Variants in CNTNAP2 observed in about 807,000 individuals in gnomAD.
CNTNAP2 encodes contactin-associated protein-like 2.
In CNTNAP2, 98 loss-of-function variants were observed where a neutral mutation model predicts 155.2. The ratio of observed to expected loss-of-function variants is 0.63; its 90% CI spans 0.54 to 0.75. The LOEUF (loss-of-function observed/expected upper bound fraction) is 0.75, where lower values mean the gene tolerates loss of function less well. Ranked by LOEUF, CNTNAP2 falls within the 30% of genes least tolerant of loss-of-function variation. CNTNAP2 has a pLI of 0.00. For missense variants in CNTNAP2, 1,727 were observed against 1,688.1 expected (o/e 1.02, Z -0.40); for synonymous variants, 651 against 631.2 (o/e 1.03, Z -0.47).
At chr7:147,303,453 A>G (rs62485031) in intron 9 of CNTNAP2, among the ~76,000 whole-genome samples, 5,256 of 152,322 alleles carry the variant, frequency 0.035, 125 homozygotes, top group Non-Finnish European at 0.052. Flanking sequence ...CAGAAGAGGA[A>G]CTGCCTCTGG....
At chr7:147,466,345 A>G (rs372642481) in intron 10 of CNTNAP2, among the ~76,000 whole-genome samples, 1 of 152,316 alleles carries the variant, frequency 6.6e-6, no homozygotes, top group East Asian at 1.9e-4. Context: ...TATCAATTGT[A>G]TATTGATAAT....
intron 1 of CNTNAP2, among the ~76,000 whole-genome samples, chr7:146,460,126 A>G (rs73462743): frequency 0.027 from 4,179 of 152,278 alleles, 140 homozygotes; most frequent in African/African-American, 0.074. Context: ...ATCTCAGGAG[A>G]ATGTTGACAA....
intron 1 of CNTNAP2, among the ~76,000 whole-genome samples, chr7:146,759,910 C>A (rs1246818400): frequency 2.0e-5 from 3 of 151,996 alleles, no homozygotes; most frequent in African/African-American, 7.2e-5. Context: ...AGAGAAAGGA[C>A]GTTTAGTAAT....
intron 5 of CNTNAP2, among the ~76,000 whole-genome samples, chr7:147,110,840 A>G (rs1051900271): frequency 2.0e-5 from 3 of 152,118 alleles, no homozygotes; most frequent in Non-Finnish European, 4.4e-5. Flanking sequence ...GAACATATGT[A>G]TGCATGTATC....
intron 13 of CNTNAP2, among the ~76,000 whole-genome samples, chr7:147,728,580 T>G (rs1288023941): frequency 6.6e-6 from 1 of 152,012 alleles, no homozygotes; most frequent in Non-Finnish European, 1.5e-5. Flanking sequence ...ATACATCTTT[T>G]TTCATGTTTC....
chr7:147,625,365 C>T (rs1275508252), intron 12 of CNTNAP2, among the ~76,000 whole-genome samples: 2 of 151,744 alleles, frequency 1.3e-5, no homozygotes, highest in Admixed American at 1.3e-4. Flanking sequence ...CTCATGTACC[C>T]CATAAATATA....
intron 8 of CNTNAP2, among the ~76,000 whole-genome samples, chr7:147,220,473 C>A (rs1277028396): frequency 6.6e-6 from 1 of 152,082 alleles, no homozygotes; most frequent in Non-Finnish European, 1.5e-5. Context: ...AATTGATGTT[C>A]AAAACTGATT....
chr7:146,253,353 A>G (rs866459770), intron 1 of CNTNAP2, among the ~76,000 whole-genome samples: 24 of 152,314 alleles, frequency 1.6e-4, no homozygotes, highest in Non-Finnish European at 2.4e-4. Flanking sequence ...CACCTGCTCT[A>G]GGAAGGTATG....
chr7:147,596,385 G>A (rs1800827814), intron 12 of CNTNAP2, among the ~76,000 whole-genome samples: 2 of 152,046 alleles, frequency 1.3e-5, no homozygotes, highest in Non-Finnish European at 2.9e-5. Flanking sequence ...TCCATTCAGG[G>A]CTACAAGATC....
intron 21 of CNTNAP2, among the ~76,000 whole-genome samples, chr7:148,309,555 C>T (rs934481246): frequency 2.0e-5 from 3 of 151,828 alleles, no homozygotes; most frequent in South Asian, 4.2e-4. Flanking sequence ...TTATAAGATT[C>T]GGGTAAGTAA....
At chr7:147,675,750 C>T (rs903171562) in intron 13 of CNTNAP2, among the ~76,000 whole-genome samples, 7 of 151,862 alleles carry the variant, frequency 4.6e-5, no homozygotes, top group Non-Finnish European at 8.8e-5. Flanking sequence ...CAGGGGTTAG[C>T]GTTTGGGCAT....
rs1173044867 is a variant in CNTNAP2, at chr7:147,271,815, C to A, written c.1349-28326C>A. 4.6e-5 allele frequency among the ~76,000 whole-genome samples: 7 copies of A among 152,168 alleles called. No individual in the cohort carries two copies. The East Asian group carries it at 1.3e-3, about 29-fold the overall frequency. On this transcript the variant is annotated intron_variant, in intron 8 of 23. Coordinates refer to ENST00000361727, the MANE Select transcript of CNTNAP2 (RefSeq NM_014141.6). ...ACTTGGAATTTTGGGAGCTACAGTTCAAAATGACATTTGGGTGGGGACATA... is the reference window on the plus strand; with the variant it reads ...ACTTGGAATTTTGGGAGCTACAGTTAAAAATGACATTTGGGTGGGGACATA...
At chr7:146,823,909 T>C (rs542599187) in intron 2 of CNTNAP2, among the ~76,000 whole-genome samples, 1 of 152,246 alleles carries the variant, frequency 6.6e-6, no homozygotes, top group South Asian at 2.1e-4. Context: ...CTGGGATACA[T>C]GTGCAGAACA....
At chr7:147,513,002 C>T (rs1799048332) in intron 11 of CNTNAP2, among the ~76,000 whole-genome samples, 1 of 151,888 alleles carries the variant, frequency 6.6e-6, no homozygotes, top group Admixed American at 6.6e-5. Flanking sequence ...ATGAAAATAC[C>T]TGGTTGAAAA....
At chr7:147,162,990 C>T (rs916377702) in intron 8 of CNTNAP2, among the ~76,000 whole-genome samples, 4 of 152,100 alleles carry the variant, frequency 2.6e-5, no homozygotes, top group African/African-American at 7.2e-5. Flanking sequence ...GTGCTCTTCT[C>T]GTGGCGATGA....
rs571774577 is a variant in CNTNAP2 at position 147,085,536 on chromosome 7, G to A, written c.551-22611G>A. ...ACCCACCCCCAAGCCCAACCTGTCC[G>A]TGGAAAAATTGTCTCCCAAAACACT... On this transcript the variant is annotated intron_variant, in intron 4 of 23. Transcript: ENST00000361727. 7.2e-5 allele frequency among the ~76,000 whole-genome samples: 11 copies of A among 152,288 alleles called. No individual in the cohort carries two copies. The South Asian group carries it at 1.0e-3, about 14-fold the overall frequency.
intron 15 of CNTNAP2, among the ~76,000 whole-genome samples, chr7:148,026,005 T>C (rs918430114): frequency 6.6e-6 from 1 of 152,166 alleles, no homozygotes; most frequent in Non-Finnish European, 1.5e-5. Context: ...TTTGCTTCAG[T>C]CCAGGATAGC....
chr7:147,606,592 C>A (rs1212957938), intron 12 of CNTNAP2, among the ~76,000 whole-genome samples: 1 of 152,020 alleles, frequency 6.6e-6, no homozygotes, highest in Non-Finnish European at 1.5e-5. Context: ...ACTAGAGTAC[C>A]AATACCAGAT....
chr7:148,041,730 C>A (rs1802679659), intron 15 of CNTNAP2, among the ~76,000 whole-genome samples: 1 of 152,126 alleles, frequency 6.6e-6, no homozygotes, highest in Admixed American at 6.5e-5. Flanking sequence ...CAGGCAATTC[C>A]TTGCAAACTA....
Sources: gnomAD v4.1 joint callset for allele counts (sites outside exome capture counted in the v4.1 genomes callset) on GRCh38, gnomAD v4.1.1 for gene constraint, MANE v1.5 for transcripts, NCBI Gene and HGNC (gene_info 2026-07-23, HGNC 2026-07-21) for gene names.